MPPED2: variants seen among roughly 807,000 people sequenced by gnomAD.
MPPED2 encodes the protein metallophosphoesterase domain containing 2.
Under a neutral mutation model 33.0 loss-of-function variants are expected in MPPED2, and 5 were observed. The observed-to-expected ratio is 0.15, with a 90% CI of 0.08 to 0.32. The LOEUF is 0.32. Among genes scored for constraint, MPPED2 ranks in the 10% least tolerant of loss-of-function variants. MPPED2 has a pLI of 1.00. For missense variants in MPPED2, 275 were observed against 372.1 expected, an observed-to-expected ratio of 0.74 and a Z score of 2.15; for synonymous variants, 136 against 141.9, an observed-to-expected ratio of 0.96 and a Z score of 0.29.
rs145499427 is a variant in MPPED2 at position 30,475,740 on chromosome 11, A to G, written c.536+19556T>C. ...TTTGTGTACAAGTCTTTATGTGGACATACATTTTTATTTGTCTTGAGTACA... is the reference window on the plus strand; with the variant it reads ...TTTGTGTACAAGTCTTTATGTGGACGTACATTTTTATTTGTCTTGAGTACA... On this transcript the variant is annotated intron_variant, in intron 4 of 6. Coordinates refer to ENST00000358117, the MANE Select transcript of MPPED2 (RefSeq NM_001584.3). Among the ~76,000 whole-genome samples the G allele has an allele frequency of 5.3e-3, 803 of 152,264 alleles. 4 individuals are homozygous for G. Among genetic ancestry groups the G allele is most frequent in the Middle Eastern group, 0.01 (3 of 294 alleles).
chr11:30,495,579 C>T, intron 3 of MPPED2, 58 bp from the exon 4 acceptor site: 1 of 1,281,646 alleles, frequency 7.8e-7, no homozygotes, highest in Non-Finnish European at 1.1e-6. Context: ...CAAAGTACAA[C>T]AGCCGAGACT....
intron 4 of MPPED2, among the ~76,000 whole-genome samples, chr11:30,440,945 TG>T (rs1949545461): frequency 6.6e-6 from 1 of 152,228 alleles, no homozygotes; most frequent in South Asian, 2.1e-4. Context: ...CAAACATATA[TG>T]TGAAATGCTG....
chr11:30,429,073 T>C (rs573189593), intron 4 of MPPED2: 1 of 152,336 alleles, frequency 6.6e-6, no homozygotes, highest in South Asian at 2.1e-4. Flanking sequence ...AGACGTTCAC[T>C]TGGGAGATAG....
intron 2 of MPPED2, among the ~76,000 whole-genome samples, chr11:30,537,762 T>C (rs1259431011): frequency 6.6e-6 from 1 of 152,172 alleles, no homozygotes; most frequent in Admixed American, 6.5e-5. Flanking sequence ...CGCAAAAAAT[T>C]AATGGATTTT....
At chr11:30,403,454 G>T (rs1448112411) in intron 6 of MPPED2, among the ~76,000 whole-genome samples, 3 of 152,078 alleles carry the variant, frequency 2.0e-5, no homozygotes, top group African/African-American at 4.8e-5. Flanking sequence ...TATTTTTCTT[G>T]TTCCTACAGA....
At chr11:30,530,739 G>A (rs1239900083) in intron 3 of MPPED2, among the ~76,000 whole-genome samples, 2 of 152,190 alleles carry the variant, frequency 1.3e-5, no homozygotes, top group East Asian at 3.9e-4. Flanking sequence ...TAGCATCCAT[G>A]AGCATAAACT....
In MPPED2 at chr11:30,476,409, A is replaced by C. The variant is rs548994181; in HGVS notation, c.536+18887T>G. 7.5e-4 allele frequency among the ~76,000 whole-genome samples: 114 copies of C among 152,090 alleles called. 2 individuals carry two copies. The highest frequency in any genetic ancestry group is 2.7e-3 in the African/African-American group (111 of 41,536). On this transcript the variant is annotated intron_variant, in intron 4 of 6. Coordinates refer to ENST00000358117, the MANE Select transcript of MPPED2 (RefSeq NM_001584.3). ...CATTTTTTAAAAAAATTTAAGTGTA[A>C]GATCTGTTTTGTAATTATTTTTGTA...
At chr11:30,404,786 C>G (rs1947964166) in intron 6 of MPPED2, among the ~76,000 whole-genome samples, 1 of 152,212 alleles carries the variant, frequency 6.6e-6, no homozygotes, top group African/African-American at 2.4e-5. Flanking sequence ...ATGAAGCTTA[C>G]TAGCACAGCA....
intron 4 of MPPED2, among the ~76,000 whole-genome samples, chr11:30,493,318 C>A (rs976597523): frequency 3.4e-5 from 5 of 147,106 alleles, no homozygotes; most frequent in African/African-American, 1.3e-4. Context: ...TTGCAGTGAG[C>A]GGAGATCGCG....
intron 1 of MPPED2, among the ~76,000 whole-genome samples, chr11:30,582,233 T>C (rs1344905089): frequency 6.6e-6 from 1 of 152,038 alleles, no homozygotes; most frequent in African/African-American, 2.4e-5. Flanking sequence ...CAAAACTGCA[T>C]AATTGCGTCG....
chr11:30,406,991 T>A (rs1201545606), downstream of MPPED2, among the ~76,000 whole-genome samples: 4 of 152,226 alleles, frequency 2.6e-5, no homozygotes, highest in Non-Finnish European at 5.9e-5. Context: ...ACATCCTTGC[T>A]GGATGAGAGT....
At chr11:30,426,264 C>T (rs1590218495) in intron 4 of MPPED2, among the ~76,000 whole-genome samples, 1 of 152,202 alleles carries the variant, frequency 6.6e-6, no homozygotes, top group African/African-American at 2.4e-5. Flanking sequence ...TAGTAATAGT[C>T]CTTTTGTGTC....
At chr11:30,438,697 C>T (rs1015067071) in intron 4 of MPPED2, among the ~76,000 whole-genome samples, 6 of 152,226 alleles carry the variant, frequency 3.9e-5, no homozygotes, top group African/African-American at 1.4e-4. Flanking sequence ...ATTCTCGATC[C>T]TATCTGTACT....
At chr11:30,578,441 A>G (rs1032220615) in intron 2 of MPPED2, among the ~76,000 whole-genome samples, 7 of 152,184 alleles carry the variant, frequency 4.6e-5, no homozygotes, top group African/African-American at 1.7e-4. Context: ...CATTTTTTTC[A>G]AAAGAGGTAT....
intron 4 of MPPED2, among the ~76,000 whole-genome samples, chr11:30,445,149 A>G (rs1415377181): frequency 6.6e-6 from 1 of 152,148 alleles, no homozygotes; most frequent in African/African-American, 2.4e-5. Flanking sequence ...AAAAAAATAA[A>G]GAGAGCAAAA....
intron 4 of MPPED2, among the ~76,000 whole-genome samples, chr11:30,464,806 A>G (rs1374374674): frequency 6.6e-6 from 1 of 152,182 alleles, no homozygotes; most frequent in African/African-American, 2.4e-5. Context: ...TAATGTGGGG[A>G]TTTAGACGAG....
At chr11:30,583,135 T>C (rs1337105530) in intron 1 of MPPED2, among the ~76,000 whole-genome samples, 1 of 27,242 alleles carries the variant, frequency 3.7e-5, no homozygotes, top group African/African-American at 1.1e-4. Flanking sequence ...AGACTTTTTC[T>C]TTTTTTTTTT....
intron 4 of MPPED2, among the ~76,000 whole-genome samples, chr11:30,453,753 C>T (rs1022680866): frequency 6.6e-6 from 1 of 152,206 alleles, no homozygotes; most frequent in Non-Finnish European, 1.5e-5. Context: ...TGTTTCCCCA[C>T]TTGGCTTGAA....
At chr11:30,521,901 A>C (rs1953896547) in intron 3 of MPPED2, among the ~76,000 whole-genome samples, 1 of 152,196 alleles carries the variant, frequency 6.6e-6, no homozygotes, top group Admixed American at 6.5e-5. Context: ...CTGCAGATCA[A>C]GAATAACTTC....
Sources: allele counts gnomAD v4.1 joint callset (sites outside exome capture counted in the v4.1 genomes callset), GRCh38; gene constraint gnomAD v4.1.1; transcripts MANE v1.5; gene names NCBI Gene and HGNC (gene_info 2026-07-23, HGNC 2026-07-21).